VPS13B: variants seen among roughly 807,000 people sequenced by gnomAD.
VPS13B encodes vacuolar protein sorting 13 homolog B.
VPS13B carries 285 observed loss-of-function variants against 426.4 expected under a neutral mutation model. The ratio of observed to expected loss-of-function variants is 0.67; its 90% CI spans 0.61 to 0.74. The LOEUF (loss-of-function observed/expected upper bound fraction) is 0.74. VPS13B is among the 30% of genes least tolerant of loss of function. VPS13B has a pLI of 0.00. For synonymous variants in VPS13B, 1,676 were observed against 1,676.4 expected (o/e 1.00, Z 0.01); for missense variants, 4,537 against 4,782.6 (o/e 0.95, Z 1.51).
intron 20 of VPS13B, among the ~76,000 whole-genome samples, chr8:99,388,980 C>T (rs908591533): frequency 5.9e-5 from 9 of 152,112 alleles, no homozygotes; most frequent in Admixed American, 3.3e-4. Flanking sequence ...GAAACCCTAT[C>T]TCTAATAAAA....
chr8:99,762,253 T>G (rs1458785601), intron 39 of VPS13B, among the ~76,000 whole-genome samples: 1 of 152,150 alleles, frequency 6.6e-6, no homozygotes, highest in Non-Finnish European at 1.5e-5. Flanking sequence ...TTCAAACTCC[T>G]GGGCTCCAGC....
chr8:99,185,974 T>C (rs1442551009), intron 16 of VPS13B, among the ~76,000 whole-genome samples: 1 of 152,166 alleles, frequency 6.6e-6, no homozygotes, highest in African/African-American at 2.4e-5. Flanking sequence ...TACTTGTTTC[T>C]ATTTCCTTTA....
intron 14 of VPS13B, among the ~76,000 whole-genome samples, chr8:99,150,870 A>G (rs577496640): frequency 6.6e-6 from 1 of 152,290 alleles, no homozygotes; most frequent in South Asian, 2.1e-4. Context: ...TGGTGTGGGC[A>G]TGTTTTCAAC....
chr8:99,217,004 G>T (rs1162966706), intron 17 of VPS13B, among the ~76,000 whole-genome samples: 9 of 152,046 alleles, frequency 5.9e-5, no homozygotes, highest in Admixed American at 2.6e-4. Context: ...TGGCACATTA[G>T]CTTTTCTTTC....
chr8:99,486,377 C>A (rs3103103), intron 25 of VPS13B, among the ~76,000 whole-genome samples: 1 of 151,904 alleles, frequency 6.6e-6, no homozygotes, highest in Non-Finnish European at 1.5e-5. Context: ...AGGCGCCTGC[C>A]ACCACTCCTG....
chr8:99,459,806 C>A (rs1818731603), intron 23 of VPS13B, among the ~76,000 whole-genome samples: 1 of 151,948 alleles, frequency 6.6e-6, no homozygotes, highest in Non-Finnish European at 1.5e-5. Context: ...TGTATATGTA[C>A]CTATAGTTGT....
At chr8:99,387,349 C>T (rs1460337399) in intron 20 of VPS13B, among the ~76,000 whole-genome samples, 2 of 152,014 alleles carry the variant, frequency 1.3e-5, no homozygotes, top group Non-Finnish European at 2.9e-5. Context: ...TCCTGAGTAG[C>T]AGGGACCACA....
intron 19 of VPS13B, among the ~76,000 whole-genome samples, chr8:99,339,576 A>G (rs1811123038): frequency 6.6e-6 from 1 of 151,398 alleles, no homozygotes; most frequent in Non-Finnish European, 1.5e-5. Context: ...TTGACATGAG[A>G]TTTGGTGGAG....
intron 33 of VPS13B, among the ~76,000 whole-genome samples, chr8:99,600,403 G>T (rs1454439905): frequency 6.6e-6 from 1 of 152,112 alleles, no homozygotes; most frequent in Non-Finnish European, 1.5e-5. Flanking sequence ...TGACCTAACC[G>T]GTATGGATGT....
intron 39 of VPS13B, among the ~76,000 whole-genome samples, chr8:99,761,361 A>T (rs1810921127): frequency 6.6e-6 from 1 of 152,190 alleles, no homozygotes; most frequent in South Asian, 2.1e-4. Context: ...CACATCTCTT[A>T]CTTTAGGCTC....
chr8:99,292,446 C>G (rs1030867376), intron 19 of VPS13B, among the ~76,000 whole-genome samples: 2 of 152,110 alleles, frequency 1.3e-5, no homozygotes, highest in Non-Finnish European at 2.9e-5. Context: ...AAATGTTGAG[C>G]TCTTTTGTCA....
intron 39 of VPS13B, among the ~76,000 whole-genome samples, chr8:99,726,076 A>G (rs1034839768): frequency 2.0e-5 from 3 of 152,232 alleles, no homozygotes; most frequent in African/African-American, 4.8e-5. Context: ...GATGAGATTT[A>G]TAAACAAACT....
chr8:99,506,178 A>G (rs1370548504), intron 27 of VPS13B, among the ~76,000 whole-genome samples: 1 of 152,194 alleles, frequency 6.6e-6, no homozygotes, highest in East Asian at 1.9e-4. Flanking sequence ...ACTGAGATGG[A>G]GCAATAGCTC....
intron 3 of VPS13B, among the ~76,000 whole-genome samples, chr8:99,077,529 T>C (rs1441861731): frequency 1.3e-5 from 2 of 152,178 alleles, no homozygotes; most frequent in Non-Finnish European, 2.9e-5. Context: ...GGCAGTTTTT[T>C]TCTTTTAATA....
At chr8:99,290,635 C>T (rs572395312) in intron 19 of VPS13B, among the ~76,000 whole-genome samples, 3 of 150,922 alleles carry the variant, frequency 2.0e-5, no homozygotes, top group East Asian at 1.9e-4. Flanking sequence ...ACACATGTAC[C>T]CTAGAACTTA....
chr8:99,870,189 GAC>G (rs1817323918), intron 59 of VPS13B, among the ~76,000 whole-genome samples: 1 of 151,304 alleles, frequency 6.6e-6, no homozygotes, highest in Non-Finnish European at 1.5e-5. Context: ...TTTTTTTTTA[GAC>G]ACAGGGTTTT....
At chr8:99,108,079 A>G (rs947683469) in intron 5 of VPS13B, among the ~76,000 whole-genome samples, 5 of 152,176 alleles carry the variant, frequency 3.3e-5, no homozygotes, top group Admixed American at 6.5e-5. Flanking sequence ...GCTCCCACTT[A>G]TAATTGAGAA....
chr8:99,115,946 A>T, intron 7 of VPS13B, 72 bp downstream of exon 7: 3 of 1,489,870 alleles, frequency 2.0e-6, no homozygotes, highest in Non-Finnish European at 2.8e-6. Context: ...GGGAAACTTT[A>T]AAAAATGTAT....
At chr8:99,536,818 T>G (rs777799140) in intron 30 of VPS13B, 1 of 517,652 alleles carries the variant, frequency 1.9e-6, no homozygotes, top group Non-Finnish European at 4.0e-6. Flanking sequence ...TGTTTCCAGG[T>G]GATTTTAAGA....
Sources: allele counts gnomAD v4.1 joint callset (sites outside exome capture counted in the v4.1 genomes callset), GRCh38; gene constraint gnomAD v4.1.1; transcripts MANE v1.5; gene names NCBI Gene and HGNC (gene_info 2026-07-23, HGNC 2026-07-21).